The following EIF2B2 variants were observed in gnomAD, a reference collection of about 807,000 sequenced individuals.
EIF2B2 encodes translation initiation factor eIF2B subunit beta.
In EIF2B2, 34 loss-of-function variants were observed where a neutral mutation model predicts 34.7. The ratio of observed to expected loss-of-function variants is 0.98; its 90% CI spans 0.75 to 1.31. The LOEUF (loss-of-function observed/expected upper bound fraction) is 1.31. EIF2B2 is among the 50% of genes most tolerant of loss of function. EIF2B2 has a pLI of 0.00. For missense variants in EIF2B2, 361 were observed against 447.7 expected, an observed-to-expected ratio of 0.81 and a Z score of 1.75; for synonymous variants, 155 against 171.6, an observed-to-expected ratio of 0.90 and a Z score of 0.76.
rs370417944 is a variant in EIF2B2, at chr14:75,006,545, G to A, written c.694-32G>A. On this transcript the variant is annotated intron_variant, in intron 5 of 7. Coordinates refer to ENST00000266126, the MANE Select transcript of EIF2B2 (RefSeq NM_014239.4). This position sits in a 1 kb window ranked among gnomAD's most constrained non-coding sequence, Gnocchi z 4.1. ...TGGCCCTTTTAGGGCTCCACCCCCA[G>A]GATGGCTCACATTTTTTGTCTTGTC... The A allele has an allele frequency of 2.1e-5, 34 of 1,611,888 alleles. No homozygotes were observed. The highest frequency in any genetic ancestry group is 2.7e-5 in the Non-Finnish European group (32 of 1,179,988).
Position 75,004,730 on chromosome 14 carries a change from C to G in EIF2B2, c.434-7C>G. The stretch of plus-strand genomic sequence containing the variant: ...TTTTTTTTTTTTTTGCAAAACCGTT[C>G]TTACAGAAGGGACAATGGAGAACAT... On this transcript the variant is annotated splice_polypyrimidine_tract_variant and splice_region_variant and intron_variant, in intron 3 of 7. Transcript: ENST00000266126. 14 of 783,034 alleles carry G rather than the reference C, an allele frequency of 1.8e-5. No individual in the cohort carries two copies. The highest frequency in any genetic ancestry group is 6.6e-5 in the African/African-American group (2 of 30,130). The allele number at this position is 783,034 out of a possible 1,614,324, so 48.5% of individuals were successfully genotyped here. A position where few individuals can be genotyped will look rare whatever the true frequency, so the allele number is the denominator to read the frequency against.
In EIF2B2 at chr14:75,009,653, T is replaced by C. The variant is rs1016850358; in HGVS notation, c.*465T>C. 1.7e-4 allele frequency: 41 copies of C among 234,396 alleles called. No homozygotes were observed. The highest frequency in any genetic ancestry group is 3.1e-4 in the Non-Finnish European group (37 of 120,292). The allele number at this position is 234,396 out of a possible 1,614,324, so 14.5% of individuals were successfully genotyped here. A position where few individuals can be genotyped will look rare whatever the true frequency, so the allele number is the denominator to read the frequency against. On this transcript the variant is annotated 3_prime_UTR_variant, in exon 8 of 8. Transcript: ENST00000266126. The stretch of plus-strand genomic sequence containing the variant: ...GCTTGAAACAGCAGCAGCAGAGCCT[T>C]TTTTGTGTTTGCATAGAGGGCTGTA...
chr14:75,007,674 G>T, intron 6 of EIF2B2, 48 bp from the exon 7 acceptor site: 1 of 1,443,932 alleles, frequency 6.9e-7, no homozygotes, highest in South Asian at 1.2e-5. Flanking sequence ...ACATACCTAG[G>T]AGTGGAATTG....
At chr14:75,004,227 CTT>C (rs1889586079) in intron 3 of EIF2B2, among the ~76,000 whole-genome samples, 2 of 152,222 alleles carry the variant, frequency 1.3e-5, no homozygotes, top group South Asian at 4.1e-4. Flanking sequence ...CCGAAGCTCT[CTT>C]TACCCTATTC....
rs1282846787 is a variant in EIF2B2 at position 75,003,312 on chromosome 14, G to A, written c.201G>A (p.Arg67=). The change falls in exon 2 of 8, where the codon AGG becomes AGA. Residue 67 remains arginine (R), a synonymous_variant. Coordinates refer to ENST00000266126, the MANE Select transcript of EIF2B2 (RefSeq NM_014239.4). ...LMELIRREGR[R]MTAAQPSETT... ...AGCTGATCCGCAGAGAGGGCAGGAG[G>A]ATGACGGCCGCTCAGCCCTCCGAGA... 1 of 1,613,826 alleles carries A rather than the reference G, an allele frequency of 6.2e-7. No homozygotes were observed. The highest frequency in any genetic ancestry group is 8.5e-7 in the Non-Finnish European group (1 of 1,180,010).
At chr14:75,004,666 C>CATTTAT (rs1555385390) in intron 3 of EIF2B2, 71 bp from the exon 4 acceptor site, 25 of 184,100 alleles carry the variant, frequency 1.4e-4, no homozygotes, top group Middle Eastern at 2.1e-3. Flanking sequence ...ATAGCAATTT[C>CATTTAT]ATATATATAT....
Position 75,007,766 on chromosome 14 carries a change from A to AG in EIF2B2, c.877dup (p.Glu293GlyfsTer22). 6.2e-7 allele frequency: 1 copy of AG among 1,613,962 alleles called. No individual in the cohort carries two copies. The highest frequency in any genetic ancestry group is 8.5e-7 in the Non-Finnish European group (1 of 1,179,936). The stretch of plus-strand genomic sequence containing the variant: ...CATTTCATAAGTTTGTGGCTCCTGA[A>AG]GAAGTCCTGCCATTCACAGAAGGTA... On this transcript the variant is annotated frameshift_variant, in exon 7 of 8. Transcript: ENST00000266126. LOFTEE classifies it high-confidence loss of function.
Position 75,009,202 on chromosome 14 carries a change from T to C in EIF2B2, c.*14T>C. On this transcript the variant is annotated 3_prime_UTR_variant, in exon 8 of 8. Coordinates refer to ENST00000266126, the MANE Select transcript of EIF2B2 (RefSeq NM_014239.4). ...CATGTTTTATGACCGACCACACGTG[T>C]CCTAAGCAGATTGCTTAGGCAGATA... is the stretch of plus-strand genomic sequence containing the variant. 18 of 1,613,714 alleles carry C rather than the reference T, an allele frequency of 1.1e-5. No individual in the cohort carries two copies. Among genetic ancestry groups the C allele is most frequent in the Non-Finnish European group, 1.5e-5 (18 of 1,179,678 alleles).
chr14:75,004,851 G>GA lies in EIF2B2; in HGVS notation c.551dup (p.Arg185GlufsTer18). 6.2e-7 allele frequency: 1 copy of GA among 1,613,340 alleles called. No individual in the cohort carries two copies. The highest frequency in any genetic ancestry group is 8.5e-7 in the Non-Finnish European group (1 of 1,179,814). On this transcript the variant is annotated frameshift_variant, in exon 4 of 8. Transcript: ENST00000266126. LOFTEE classifies it high-confidence loss of function. ...GAGGCCTTCCTCAAAGAGGCTGCCC[G>GA]AAAGAGGAAATTCCATGTCATTGTA...
chr14:75,004,677 A>ATTTTT, intron 3 of EIF2B2, 60 bp from the exon 4 acceptor site: 1 of 157,234 alleles, frequency 6.4e-6, no homozygotes, highest in African/African-American at 1.7e-4. Context: ...ATATATATAT[A>ATTTTT]TATATATATA....
intron 3 of EIF2B2, among the ~76,000 whole-genome samples, chr14:75,003,939 A>T (rs1244881480): frequency 6.6e-6 from 1 of 152,212 alleles, no homozygotes; most frequent in Non-Finnish European, 1.5e-5. Flanking sequence ...AACAGACTCT[A>T]TTAGGACAGA....
At chr14:75,005,398 G>A (rs868154923) in intron 4 of EIF2B2, among the ~76,000 whole-genome samples, 3 of 151,676 alleles carry the variant, frequency 2.0e-5, no homozygotes, top group Non-Finnish European at 1.5e-5. Context: ...AAAAGATGGC[G>A]AGCTGCTGGG....
Position 75,009,392 on chromosome 14 carries a change from T to TAA in EIF2B2, c.*205_*206dup, listed in dbSNP as rs1889673995. On this transcript the variant is annotated 3_prime_UTR_variant, in exon 8 of 8. Transcript: ENST00000266126. ...GGACTGTGTCTTGCCTTTCAGATCT[T>TAA]AACAGAGCAGCAGGGCTTAACTTGT... 1.6e-6 allele frequency: 1 copy of TAA among 613,604 alleles called. No homozygotes were observed. Among genetic ancestry groups the TAA allele is most frequent in the Non-Finnish European group, 2.9e-6 (1 of 343,292 alleles). 38.0% of individuals were successfully genotyped at this position (613,604 alleles called of 1,614,324 possible).
Position 75,006,540 on chromosome 14 carries a change from C to T in EIF2B2, c.694-37C>T, listed in dbSNP as rs767400137. The T allele has an allele frequency of 2.5e-6, 4 of 1,611,302 alleles. No homozygotes were observed. Among genetic ancestry groups the T allele is most frequent in the East Asian group, 2.2e-5 (1 of 44,900 alleles). On this transcript the variant is annotated intron_variant, in intron 5 of 7. Transcript: ENST00000266126. This position sits in a 1 kb window ranked among gnomAD's most constrained non-coding sequence, Gnocchi z 4.1. ...GCCAGTGGCCCTTTTAGGGCTCCAC[C>T]CCCAGGATGGCTCACATTTTTTGTC...
At chr14:75,003,767 G>C in intron 3 of EIF2B2, 68 bp downstream of exon 3, 13 of 1,601,756 alleles carry the variant, frequency 8.1e-6, no homozygotes, top group Non-Finnish European at 7.7e-6. Context: ...AGCCTCTGAA[G>C]GTTGTTCATT....
chr14:75,008,772 TG>T (rs1400210252), intron 7 of EIF2B2, among the ~76,000 whole-genome samples: 4 of 152,130 alleles, frequency 2.6e-5, no homozygotes, highest in African/African-American at 9.7e-5. Context: ...GTAATTCATG[TG>T]GTGTGTCAGG....
Position 75,002,994 on chromosome 14 carries a change from C to T in EIF2B2, c.4C>T (p.Pro2Ser). The change falls in exon 1 of 8, where the codon CCG (proline) becomes TCG (serine). Residue 2 changes from proline to serine, a missense_variant. Physicochemically the swap from Pro to Ser is moderately conservative, Grantham distance 74. Transcript: ENST00000266126. The part of the protein sequence containing the change: M[P>S]GSAAKGSELS... ...GCTGAAGGCAGCTACCTTAAAGATG[C>T]CGGGATCCGCAGCGAAGGGCTCGGA... The T allele has an allele frequency of 2.5e-6, 4 of 1,614,064 alleles. No homozygotes were observed. In the African/African-American group the frequency reaches 5.3e-5, roughly 22 times the overall value.
In EIF2B2 at chr14:75,010,621, A is replaced by G. The variant is rs1889691862; in HGVS notation, c.*1433A>G. 6.6e-6 allele frequency: 1 copy of G among 152,246 alleles called. No homozygotes were observed. Among genetic ancestry groups the G allele is most frequent in the South Asian group, 2.1e-4 (1 of 4,836 alleles). 9.4% of individuals were successfully genotyped at this position (152,246 alleles called of 1,614,324 possible). A position where few individuals can be genotyped will look rare whatever the true frequency, so the allele number is the denominator to read the frequency against. ...ACTCAAATTTGGCAACTCTGGGCCA[A>G]CATTTCCAAATGGCAGTAGTTAGTT... On this transcript the variant is annotated 3_prime_UTR_variant, in exon 8 of 8. Transcript: ENST00000266126.
At chr14:75,005,105 C>A in intron 4 of EIF2B2, 2 of 540,060 alleles carry the variant, frequency 3.7e-6, no homozygotes, top group Non-Finnish European at 6.7e-6. Context: ...GGGCCGGGAG[C>A]GATGGCTCAT....
Sources: allele counts gnomAD v4.1 joint callset (sites outside exome capture counted in the v4.1 genomes callset), GRCh38; gene constraint gnomAD v4.1.1; non-coding constraint Gnocchi (gnomAD v3.1); transcripts MANE v1.5; gene names NCBI Gene and HGNC (gene_info 2026-07-23, HGNC 2026-07-21).